The following PMFBP1 variants were observed in gnomAD, a reference collection of about 807,000 sequenced individuals.
The protein encoded by PMFBP1 is polyamine-modulated factor 1-binding protein 1.
Under a neutral mutation model 137.8 loss-of-function variants are expected in PMFBP1, and 131 were observed. That is an observed-to-expected ratio of 0.95 (90% confidence interval 0.82 to 1.10). The LOEUF (loss-of-function observed/expected upper bound fraction) is 1.10, where lower values mean the gene tolerates loss of function less well. Ranked by LOEUF, PMFBP1 falls within the 50% of genes least tolerant of loss-of-function variation. The pLI is 0.00. For synonymous variants in PMFBP1, 490 were observed against 450.4 expected, an observed-to-expected ratio of 1.09 and a Z score of -1.11; for missense variants, 1,199 against 1,175.4, an observed-to-expected ratio of 1.02 and a Z score of -0.29.
chr16:72,209,936 G>T, the PMFBP1 span, among the ~76,000 whole-genome samples: 4 of 152,210 alleles, frequency 2.6e-5, no homozygotes, highest in Non-Finnish European at 5.9e-5. Context: ...TACAGCCACT[G>T]CTGGGCCGTT....
intron 15 of PMFBP1, 77 bp downstream of exon 15, chr16:72,125,891 G>T: frequency 6.6e-7 from 1 of 1,522,872 alleles, no homozygotes. Context: ...GCAGGAAATT[G>T]GCTCCTGTGC....
At chr16:72,249,365 T>C in the PMFBP1 span, among the ~76,000 whole-genome samples, 1 of 151,370 alleles carries the variant, frequency 6.6e-6, no homozygotes, top group Non-Finnish European at 1.5e-5. Flanking sequence ...TTCCCCAAAG[T>C]TTGAAAAAAA....
the PMFBP1 span, among the ~76,000 whole-genome samples, chr16:72,231,900 CT>C: frequency 2.0e-5 from 2 of 97,770 alleles, no homozygotes; most frequent in Non-Finnish European, 4.3e-5. Flanking sequence ...CAAAGATATA[CT>C]TTTGGGAAGA....
chr16:72,158,783 G>T (rs2144467684), intron 3 of PMFBP1, among the ~76,000 whole-genome samples: 1 of 152,232 alleles, frequency 6.6e-6, no homozygotes, highest in East Asian at 1.9e-4. Context: ...GGCTTGAGAT[G>T]AGGAGTTCAA....
the PMFBP1 span, among the ~76,000 whole-genome samples, chr16:72,228,738 G>C: frequency 6.6e-6 from 1 of 152,004 alleles, no homozygotes; most frequent in Non-Finnish European, 1.5e-5. Flanking sequence ...TGGGTCAAAA[G>C]GATGACCACT....
At chr16:72,159,751 G>C (rs2144474123) in intron 3 of PMFBP1, among the ~76,000 whole-genome samples, 1 of 151,180 alleles carries the variant, frequency 6.6e-6, no homozygotes, top group South Asian at 2.1e-4. Flanking sequence ...ATGTGCTGAA[G>C]AGCAGTATCA....
At chr16:72,233,411 C>G in the PMFBP1 span, among the ~76,000 whole-genome samples, 1 of 152,122 alleles carries the variant, frequency 6.6e-6, no homozygotes, top group Non-Finnish European at 1.5e-5. Context: ...CTTTGTTGGG[C>G]TTGGACACAT....
intron 2 of PMFBP1, 23 bp from the exon 3 acceptor site, chr16:72,164,939 G>T: frequency 1.3e-6 from 2 of 1,566,882 alleles, no homozygotes; most frequent in Non-Finnish European, 1.7e-6. Context: ...AAAAACAAAA[G>T]CATCAATTAT....
At chr16:72,168,224 C>T (rs940735576) in intron 2 of PMFBP1, among the ~76,000 whole-genome samples, 3 of 152,072 alleles carry the variant, frequency 2.0e-5, no homozygotes, top group African/African-American at 7.2e-5. Flanking sequence ...CTCCTGAAGA[C>T]CAAATTATAA....
At chr16:72,214,286 C>T in the PMFBP1 span, among the ~76,000 whole-genome samples, 4 of 152,206 alleles carry the variant, frequency 2.6e-5, no homozygotes, top group South Asian at 8.3e-4. Flanking sequence ...CCTCTGCCTC[C>T]CGGGTTCACA....
the PMFBP1 span, among the ~76,000 whole-genome samples, chr16:72,245,863 CA>C: frequency 1.3e-5 from 2 of 152,204 alleles, no homozygotes; most frequent in Admixed American, 6.5e-5. Flanking sequence ...TGTATTTGAA[CA>C]CCCAGCATGA....
chr16:72,186,009 C>T, the PMFBP1 span, among the ~76,000 whole-genome samples: 1 of 152,172 alleles, frequency 6.6e-6, no homozygotes, highest in African/African-American at 2.4e-5. Context: ...GGGGCTGATA[C>T]AATCAGTCTG....
downstream of PMFBP1, among the ~76,000 whole-genome samples, chr16:72,117,078 T>C (rs1213399778): frequency 1.3e-5 from 2 of 151,104 alleles, no homozygotes; most frequent in South Asian, 2.1e-4. Context: ...AGAGATTACA[T>C]TGAATCTGTA....
chr16:72,125,428 C>G lies in PMFBP1; in HGVS notation c.2254-23G>C, dbSNP rs9921752. The G allele has an allele frequency of 1.6e-5, 26 of 1,604,116 alleles. No individual in the cohort carries two copies. The African/African-American group carries it at 2.7e-4, about 17-fold the overall frequency. The stretch of plus-strand genomic sequence containing the variant: ...GAGCTTCCGGAAAAGACAAAGAGGA[C>G]GAATGGCTGTCAGAGACTTTGACCC... On this transcript the variant is annotated intron_variant, in intron 15 of 20. Transcript: ENST00000237353.
chr16:72,192,377 T>C, the PMFBP1 span, among the ~76,000 whole-genome samples: 1 of 152,216 alleles, frequency 6.6e-6, no homozygotes, highest in South Asian at 2.1e-4. Flanking sequence ...CTGAAAAATT[T>C]TTAATTTTAT....
chr16:72,151,856 G>C (rs778228148), intron 4 of PMFBP1, among the ~76,000 whole-genome samples: 1 of 152,144 alleles, frequency 6.6e-6, no homozygotes, highest in Non-Finnish European at 1.5e-5. Context: ...CTCTGCCTGA[G>C]GGCTTCTCTA....
chr16:72,164,898 CT>C lies in PMFBP1; in HGVS notation c.30del (p.Glu11LysfsTer2). The C allele has an allele frequency of 6.3e-7, 1 of 1,595,526 alleles. No individual in the cohort carries two copies. Among genetic ancestry groups the C allele is most frequent in the Non-Finnish European group, 8.6e-7 (1 of 1,165,364 alleles). ...AGCTTGCTGTTCAGGCTGCTCACTTCTCTGTCTCTCTCCCCCGCCTAGGCAG... is the reference window on the plus strand; with the variant it reads ...AGCTTGCTGTTCAGGCTGCTCACTTCCTGTCTCTCTCCCCCGCCTAGGCAG... MKDEAGERD[R>X]EVSSLNSKLL... On this transcript the variant is annotated frameshift_variant, in exon 3 of 21. Transcript: ENST00000237353. LOFTEE classifies it high-confidence loss of function.
chr16:72,128,833 G>A (rs758641674), intron 13 of PMFBP1, 39 bp from the exon 14 acceptor site: 7 of 1,612,216 alleles, frequency 4.3e-6, no homozygotes, highest in Non-Finnish European at 5.9e-6. Flanking sequence ...GCAAAGAGGT[G>A]TTAATCTCAG....
chr16:72,120,139 T>C, intron 19 of PMFBP1, 50 bp from the exon 20 acceptor site: 1 of 1,613,102 alleles, frequency 6.2e-7, no homozygotes. Flanking sequence ...CTGGCTCTGG[T>C]TGGTTCCCTG....
Sources: gnomAD v4.1 joint callset for allele counts (sites outside exome capture counted in the v4.1 genomes callset) on GRCh38, gnomAD v4.1.1 for gene constraint, MANE v1.5 for transcripts, NCBI Gene and HGNC (gene_info 2026-07-23, HGNC 2026-07-21) for gene names.